The following APBA2 variants were observed in gnomAD, a reference collection of about 807,000 sequenced individuals.
APBA2 encodes amyloid-beta A4 precursor protein-binding family A member 2.
Under a neutral mutation model 75.0 loss-of-function variants are expected in APBA2, and 30 were observed. The ratio of observed to expected loss-of-function variants is 0.40; its 90% confidence interval spans 0.30 to 0.54. The LOEUF is 0.54. APBA2 is among the 20% of genes least tolerant of loss of function. The pLI is 0.49. For missense variants in APBA2, 801 were observed against 1,016.1 expected (o/e 0.79, Z 2.88); for synonymous variants, 444 against 409.6 (o/e 1.08, Z -1.01).
chr15:28,930,822 C>G (rs942064270), intron 2 of APBA2, among the ~76,000 whole-genome samples: 1 of 152,204 alleles, frequency 6.6e-6, no homozygotes, highest in African/African-American at 2.4e-5. Flanking sequence ...ATGCCCTTGA[C>G]TGCTCTCCCT....
chr15:28,891,535 C>T (rs2032131159), intron 1 of APBA2, among the ~76,000 whole-genome samples: 1 of 152,180 alleles, frequency 6.6e-6, no homozygotes, highest in Non-Finnish European at 1.5e-5. Flanking sequence ...ATGGGCCCTT[C>T]ACAGGGATGG....
intron 3 of APBA2, among the ~76,000 whole-genome samples, chr15:29,049,717 G>A (rs2041507280): frequency 6.6e-6 from 1 of 152,216 alleles, no homozygotes; most frequent in Non-Finnish European, 1.5e-5. Context: ...TGAAAGACAT[G>A]CACTGGTGTC....
chr15:28,899,464 G>A (rs980640486), intron 1 of APBA2, among the ~76,000 whole-genome samples: 4 of 152,200 alleles, frequency 2.6e-5, no homozygotes, highest in Non-Finnish European at 1.5e-5. Context: ...CAGCTTCATG[G>A]GCCACAGTGT....
At position 28,991,802 on chromosome 15, in the gene APBA2, C is replaced by A. The variant is rs895027562; in HGVS notation, c.-94-3951C>A. Among the ~76,000 whole-genome samples the A allele has an allele frequency of 1.6e-4, 25 of 152,164 alleles. No individual in the cohort carries two copies. Among genetic ancestry groups the A allele is most frequent in the Admixed American group, 2.6e-4 (4 of 15,276 alleles). On this transcript the variant is annotated intron_variant, in intron 2 of 14. Coordinates refer to ENST00000683413, the MANE Select transcript of APBA2 (RefSeq NM_001353788.2). The surrounding 1 kb of genome is among the most constrained non-coding windows in gnomAD (Gnocchi z 4.7). Reference sequence around the variant, plus strand: ...CAGTGTGGCCAGAGCCTCCTGTCAACAAGTATGTCACTGCCTTCGGGTTAT... The same window carrying A: ...CAGTGTGGCCAGAGCCTCCTGTCAAAAAGTATGTCACTGCCTTCGGGTTAT...
chr15:29,040,444 A>C (rs1174751889), intron 3 of APBA2, among the ~76,000 whole-genome samples: 2 of 152,190 alleles, frequency 1.3e-5, no homozygotes, highest in Non-Finnish European at 2.9e-5. Flanking sequence ...TATGTTTCTG[A>C]ACCAACTCCA....
intron 3 of APBA2, among the ~76,000 whole-genome samples, chr15:29,051,250 G>T (rs1429336838): frequency 6.6e-6 from 1 of 152,142 alleles, no homozygotes. Flanking sequence ...AGTGAGTGCT[G>T]GCCCCTTGTT....
Position 29,074,978 on chromosome 15 carries a change from G to A in APBA2, c.1009G>A (p.Val337Ile), listed in dbSNP as rs372423844. ...GCAGCGCTCTGATCTCAATGGACCT[G>A]TTGACAATAACAACATTCCAGAGGT... is the stretch of plus-strand genomic sequence containing the variant. Reference protein sequence around the residue: ...KQQRSDLNGPVDNNNIPETKK... With the variant: ...KQQRSDLNGPIDNNNIPETKK... The change falls in exon 5 of 15, where the codon GTT (valine) becomes ATT (isoleucine). Residue 337 changes from valine to isoleucine, a missense_variant. Physicochemically the swap from Val to Ile is conservative, Grantham distance 29 (BLOSUM62 3). Around this residue, in one of 2 missense-constraint regions of APBA2, gnomAD observed 434 missense variants for 471.6 expected, o/e 0.92. Transcript: ENST00000683413. The A allele has an allele frequency of 2.0e-4, 327 of 1,613,930 alleles. No homozygotes were observed. Among genetic ancestry groups the A allele is most frequent in the Non-Finnish European group, 2.5e-4 (298 of 1,179,936 alleles).
At chr15:29,080,024 G>A (rs2043019989) in intron 6 of APBA2, among the ~76,000 whole-genome samples, 1 of 152,076 alleles carries the variant, frequency 6.6e-6, no homozygotes, top group African/African-American at 2.4e-5. Flanking sequence ...CAGTCCCATG[G>A]CTGTGCGGGG....
At chr15:28,943,514 C>T (rs531175800) in intron 2 of APBA2, among the ~76,000 whole-genome samples, 12 of 152,326 alleles carry the variant, frequency 7.9e-5, no homozygotes, top group South Asian at 4.1e-4. Flanking sequence ...TAATCCTGTT[C>T]GGTGGGTTAG....
At chr15:29,085,450 G>A (rs554673376) in intron 6 of APBA2, among the ~76,000 whole-genome samples, 55 of 151,072 alleles carry the variant, frequency 3.6e-4, no homozygotes, top group Admixed American at 2.0e-3. Context: ...GCGTGAACCC[G>A]GGAGGCGGAG....
chr15:28,931,047 A>G (rs1566810103), intron 2 of APBA2, among the ~76,000 whole-genome samples: 1 of 152,174 alleles, frequency 6.6e-6, no homozygotes, highest in Non-Finnish European at 1.5e-5. Context: ...CAGCTATCCT[A>G]GGGGTCTGCT....
chr15:28,923,769 T>C (rs968348814), intron 2 of APBA2, among the ~76,000 whole-genome samples: 1 of 152,204 alleles, frequency 6.6e-6, no homozygotes, highest in Non-Finnish European at 1.5e-5. Context: ...AGCCCCCTGC[T>C]TTCTGCCTCA....
intron 3 of APBA2, among the ~76,000 whole-genome samples, chr15:29,049,082 G>C (rs1460413558): frequency 6.6e-6 from 1 of 152,168 alleles, no homozygotes; most frequent in African/African-American, 2.4e-5. Flanking sequence ...ATGAGAAACA[G>C]AATAGTCTAT....
chr15:28,901,539 A>C (rs1232868062), intron 1 of APBA2, among the ~76,000 whole-genome samples: 1 of 152,130 alleles, frequency 6.6e-6, no homozygotes, highest in African/African-American at 2.4e-5. Context: ...GCACAGACGC[A>C]TGACTTCTCT....
At chr15:29,110,381 A>G (rs1381132995) in intron 13 of APBA2, among the ~76,000 whole-genome samples, 1 of 152,090 alleles carries the variant, frequency 6.6e-6, no homozygotes, top group Non-Finnish European at 1.5e-5. Flanking sequence ...GGCACTGGGG[A>G]GCTGCTTGTC....
intron 6 of APBA2, among the ~76,000 whole-genome samples, chr15:29,086,390 A>C (rs2043293632): frequency 6.6e-6 from 1 of 152,264 alleles, no homozygotes; most frequent in Non-Finnish European, 1.5e-5. Flanking sequence ...GTTTTGAGCC[A>C]CTAAATTCCC....
intron 3 of APBA2, among the ~76,000 whole-genome samples, chr15:29,034,105 C>CA (rs1436712013): frequency 6.6e-6 from 1 of 151,786 alleles, no homozygotes; most frequent in Non-Finnish European, 1.5e-5. Flanking sequence ...AGAGTATTGC[C>CA]AAAAAAGGAA....
At chr15:28,935,556 A>C (rs2034814854) in intron 2 of APBA2, among the ~76,000 whole-genome samples, 1 of 152,184 alleles carries the variant, frequency 6.6e-6, no homozygotes, top group South Asian at 2.1e-4. Flanking sequence ...CTGAAGTTCA[A>C]GGTTGCAGCA....
At chr15:29,070,630 A>T (rs73370215) in intron 4 of APBA2, 6,575 of 170,406 alleles carry the variant, frequency 0.039, 312 homozygotes, top group African/African-American at 0.11. Context: ...AGCCACGCAG[A>T]TGTCAGGGGA....
Sources: gnomAD v4.1 joint callset for allele counts (sites outside exome capture counted in the v4.1 genomes callset) on GRCh38, gnomAD v4.1.1 for gene constraint, gnomAD v4.1.1 regional missense constraint, Gnocchi (gnomAD v3.1) non-coding constraint, MANE v1.5 for transcripts, NCBI Gene and HGNC (gene_info 2026-07-23, HGNC 2026-07-21) for gene names.